Variants in FBP1 observed in about 807,000 individuals in gnomAD.
The protein encoded by FBP1 is fructose-1,6-bisphosphatase 1.
FBP1 carries 22 observed loss-of-function variants against 29.9 expected under a neutral mutation model. The observed-to-expected ratio is 0.74, with a 90% CI of 0.53 to 1.05. FBP1 has a LOEUF of 1.05. FBP1 is among the 50% of genes least tolerant of loss of function. The probability of loss-of-function intolerance (pLI) is 0.00; values close to 1 mark genes in which losing one functional copy is unlikely to be tolerated. For missense variants in FBP1, 345 were observed against 448.2 expected, an observed-to-expected ratio of 0.77 and a Z score of 2.08; for synonymous variants, 175 against 178.6, an observed-to-expected ratio of 0.98 and a Z score of 0.16.
chr9:94,639,055 G>A, intron 1 of FBP1, 86 bp downstream of exon 1: 1 of 1,317,624 alleles, frequency 7.6e-7, no homozygotes, highest in Non-Finnish European at 1.1e-6. Flanking sequence ...GACGGCAGGA[G>A]GCTCAGAGGG....
chr9:94,633,243 C>T (rs1828135012), intron 1 of FBP1, among the ~76,000 whole-genome samples: 1 of 152,160 alleles, frequency 6.6e-6, no homozygotes, highest in South Asian at 2.1e-4. Context: ...CTTCCTCTCC[C>T]CTCCAAGGCT....
At chr9:94,612,400 G>A (rs757421695) in intron 3 of FBP1, among the ~76,000 whole-genome samples, 5 of 151,980 alleles carry the variant, frequency 3.3e-5, no homozygotes, top group African/African-American at 7.3e-5. Context: ...CCTGACATAC[G>A]GTCACCAAAT....
At chr9:94,636,728 C>T (rs1056860534) in intron 1 of FBP1, among the ~76,000 whole-genome samples, 2 of 151,838 alleles carry the variant, frequency 1.3e-5, no homozygotes, top group Non-Finnish European at 2.9e-5. Flanking sequence ...CTTACTCGGT[C>T]GCCAGGCTGG....
chr9:94,617,289 A>G (rs1827877856), intron 3 of FBP1, among the ~76,000 whole-genome samples: 1 of 152,226 alleles, frequency 6.6e-6, no homozygotes, highest in East Asian at 1.9e-4. Flanking sequence ...TCAACTATTT[A>G]AAAATGTAAA....
chr9:94,632,118 CTGACG>C (rs1828112027), intron 1 of FBP1, among the ~76,000 whole-genome samples: 1 of 152,124 alleles, frequency 6.6e-6, no homozygotes, highest in Non-Finnish European at 1.5e-5. Context: ...CGTGTATTAG[CTGACG>C]TGTCATTCTA....
intron 4 of FBP1, among the ~76,000 whole-genome samples, chr9:94,607,795 A>G (rs1426436944): frequency 6.6e-6 from 1 of 152,088 alleles, no homozygotes; most frequent in African/African-American, 2.4e-5. Flanking sequence ...ACACCTCTCT[A>G]CCTAGCCATT....
chr9:94,609,320 G>A (rs2993961), intron 4 of FBP1, among the ~76,000 whole-genome samples: 56,414 of 152,058 alleles, frequency 0.37, 10,750 homozygotes, highest in East Asian at 0.54. Flanking sequence ...ACACCCATTC[G>A]TCTCAGGAAA....
intron 1 of FBP1, among the ~76,000 whole-genome samples, chr9:94,626,497 A>G (rs982380718): frequency 2.0e-5 from 3 of 152,160 alleles, no homozygotes; most frequent in Admixed American, 6.5e-5. Flanking sequence ...TAGTCCTGTC[A>G]GGGCTGCACA....
rs1403433884 is a variant in FBP1 at position 94,624,424 on chromosome 9, G to A, written c.171-3933C>T. 5.3e-5 allele frequency among the ~76,000 whole-genome samples: 8 copies of A among 152,028 alleles called. No homozygotes were observed. In the East Asian group the frequency reaches 9.7e-4, roughly 18 times the overall value. On this transcript the variant is annotated intron_variant, in intron 1 of 6. Transcript: ENST00000375326. ...TCCCAGCACTTTGGGAGGCCAAGGC[G>A]GGTGGATCCCCTGAGGTCAGAAAAT...
intron 6 of FBP1, among the ~76,000 whole-genome samples, chr9:94,604,431 CAA>C (rs1564192532): frequency 6.6e-6 from 1 of 151,164 alleles, no homozygotes; most frequent in Non-Finnish European, 1.5e-5. Flanking sequence ...CAAATACATC[CAA>C]ACACATAGGT....
chr9:94,607,032 T>C, intron 4 of FBP1, 80 bp from the exon 5 acceptor site: 1 of 1,584,822 alleles, frequency 6.3e-7, no homozygotes, highest in Non-Finnish European at 8.7e-7. Flanking sequence ...AGCGATGGGC[T>C]GGGCTACGCT....
In FBP1 at chr9:94,612,580, C is replaced by G. The variant is rs576352853; in HGVS notation, c.427-2519G>C. Among the ~76,000 whole-genome samples, 36 of 110,820 alleles carry G rather than the reference C, an allele frequency of 3.2e-4. 1 individual carries two copies. In the East Asian group the frequency reaches 7.3e-3, roughly 23 times the overall value. 72.7% of individuals were successfully genotyped at this position (110,820 alleles called of 152,430 possible). A position where few individuals can be genotyped will look rare whatever the true frequency, so the allele number is the denominator to read the frequency against. Reference sequence around the variant, plus strand: ...TTTTTTTTTTTTTTTTTTTTGGAGACAGAGTCTTGCTCTATCGCCAGGCTG... The same window carrying G: ...TTTTTTTTTTTTTTTTTTTTGGAGAGAGAGTCTTGCTCTATCGCCAGGCTG... On this transcript the variant is annotated intron_variant, in intron 3 of 6. Coordinates refer to ENST00000375326, the MANE Select transcript of FBP1 (RefSeq NM_000507.4).
At chr9:94,625,623 G>A (rs1045193775) in intron 1 of FBP1, among the ~76,000 whole-genome samples, 1 of 152,190 alleles carries the variant, frequency 6.6e-6, no homozygotes, top group Non-Finnish European at 1.5e-5. Flanking sequence ...GTGAAACCCC[G>A]TCTCTACTAA....
chr9:94,623,799 C>A (rs528497581), intron 1 of FBP1, among the ~76,000 whole-genome samples: 1 of 152,222 alleles, frequency 6.6e-6, no homozygotes, highest in South Asian at 2.1e-4. Flanking sequence ...CAGTGCCGAA[C>A]ACGGTAGATC....
Position 94,620,577 on chromosome 9 carries a change from G to A in FBP1, c.171-86C>T, listed in dbSNP as rs141341927. On this transcript the variant is annotated intron_variant, in intron 1 of 6. Coordinates refer to ENST00000375326, the MANE Select transcript of FBP1 (RefSeq NM_000507.4). ...ATAAACCCACCAAAAGTGAGTGTTC[G>A]GTAAGATTTAGAAGAAAGAGTTCAT... is the stretch of plus-strand genomic sequence containing the variant. 1.2e-4 allele frequency: 155 copies of A among 1,334,290 alleles called. 1 individual carries two copies. The highest frequency in any genetic ancestry group is 7.5e-4 in the African/African-American group (52 of 69,060). 82.7% of individuals were successfully genotyped at this position (1,334,290 alleles called of 1,614,324 possible). A position where few individuals can be genotyped will look rare whatever the true frequency, so the allele number is the denominator to read the frequency against.
At chr9:94,613,730 C>T (rs1827819241) in intron 3 of FBP1, among the ~76,000 whole-genome samples, 1 of 150,924 alleles carries the variant, frequency 6.6e-6, no homozygotes, top group South Asian at 2.1e-4. Context: ...GGCGCCACTG[C>T]TCTCAGCCTG....
chr9:94,631,764 TC>T (rs1388898204), intron 1 of FBP1, among the ~76,000 whole-genome samples: 1 of 152,208 alleles, frequency 6.6e-6, no homozygotes, highest in Non-Finnish European at 1.5e-5. Flanking sequence ...TATTACTTAA[TC>T]CTTATCACTA....
intron 3 of FBP1, among the ~76,000 whole-genome samples, chr9:94,612,823 A>T (rs2131480375): frequency 6.6e-6 from 1 of 152,212 alleles, no homozygotes; most frequent in East Asian, 1.9e-4. Context: ...AGCCTCCCAA[A>T]GAGCTGGGAT....
intron 1 of FBP1, among the ~76,000 whole-genome samples, chr9:94,633,804 A>G (rs1334536695): frequency 2.0e-5 from 3 of 151,596 alleles, no homozygotes; most frequent in Admixed American, 6.6e-5. Flanking sequence ...TCCCAGATTC[A>G]CAACATTCTC....
Sources: gnomAD v4.1 joint callset for allele counts (sites outside exome capture counted in the v4.1 genomes callset) on GRCh38, gnomAD v4.1.1 for gene constraint, MANE v1.5 for transcripts, NCBI Gene and HGNC (gene_info 2026-07-23, HGNC 2026-07-21) for gene names.